Variants in NTNG1 observed in about 807,000 individuals in gnomAD.
NTNG1 encodes netrin G1.
A neutral mutation model predicts 54.0 loss-of-function variants in NTNG1; 16 were observed. That is an observed-to-expected ratio of 0.30 (90% confidence interval 0.20 to 0.45). The LOEUF (loss-of-function observed/expected upper bound fraction) is 0.45, where lower values mean the gene tolerates loss of function less well. Among genes scored for constraint, NTNG1 ranks in the 20% least tolerant of loss-of-function variants. NTNG1 has a pLI of 1.00. For missense variants in NTNG1, 530 were observed against 678.7 expected, an observed-to-expected ratio of 0.78 and a Z score of 2.43; for synonymous variants, 255 against 263.1, an observed-to-expected ratio of 0.97 and a Z score of 0.30.
At chr1:107,370,334 T>G (rs1670843917) in intron 3 of NTNG1, among the ~76,000 whole-genome samples, 1 of 151,912 alleles carries the variant, frequency 6.6e-6, no homozygotes, top group South Asian at 2.1e-4. Context: ...GGGAGAATTG[T>G]CATTTTTTTT....
intron 3 of NTNG1, among the ~76,000 whole-genome samples, chr1:107,346,112 T>C (rs1010631011): frequency 8.5e-5 from 13 of 152,152 alleles, no homozygotes; most frequent in African/African-American, 3.1e-4. Context: ...GCATTGCAAT[T>C]TCTATAGATT....
chr1:107,281,160 C>T (rs1176223994), intron 2 of NTNG1, among the ~76,000 whole-genome samples: 1 of 151,968 alleles, frequency 6.6e-6, no homozygotes, highest in African/African-American at 2.4e-5. Flanking sequence ...TTTGTTTTCT[C>T]CCATAAATGT....
chr1:107,237,986 C>T (rs1167685692), intron 2 of NTNG1, among the ~76,000 whole-genome samples: 1 of 152,116 alleles, frequency 6.6e-6, no homozygotes, highest in Non-Finnish European at 1.5e-5. Flanking sequence ...AAGAGGGCCA[C>T]CGTCCTCCAG....
chr1:107,459,656 C>A (rs1299640273), intron 7 of NTNG1, among the ~76,000 whole-genome samples: 2 of 152,194 alleles, frequency 1.3e-5, no homozygotes, highest in African/African-American at 2.4e-5. Flanking sequence ...AGCATCACCA[C>A]TGATTTCTCC....
At chr1:107,449,567 G>A (rs913175792) in intron 7 of NTNG1, among the ~76,000 whole-genome samples, 9 of 151,826 alleles carry the variant, frequency 5.9e-5, no homozygotes, top group African/African-American at 2.2e-4. Context: ...GCGGACTGTG[G>A]GAAGCTTTAT....
At chr1:107,171,260 CA>C (rs1311664084) in intron 2 of NTNG1, among the ~76,000 whole-genome samples, 4 of 151,962 alleles carry the variant, frequency 2.6e-5, no homozygotes, top group Non-Finnish European at 5.9e-5. Context: ...TTTTCACCCC[CA>C]AAAAAGTTTT....
chr1:107,237,493 T>C (rs1312550312), intron 2 of NTNG1, among the ~76,000 whole-genome samples: 1 of 152,174 alleles, frequency 6.6e-6, no homozygotes, highest in East Asian at 1.9e-4. Flanking sequence ...GATCCAAATG[T>C]TAATCCCCAA....
intron 3 of NTNG1, among the ~76,000 whole-genome samples, chr1:107,389,514 A>G (rs1672233751): frequency 6.6e-6 from 1 of 152,210 alleles, no homozygotes; most frequent in African/African-American, 2.4e-5. Context: ...TATAAGCAAG[A>G]TTAAATTGAC....
intron 2 of NTNG1, among the ~76,000 whole-genome samples, chr1:107,272,409 G>T (rs915053429): frequency 6.6e-6 from 1 of 151,920 alleles, no homozygotes; most frequent in Admixed American, 6.6e-5. Context: ...TTAGCTCTCT[G>T]CTGGGCTAAT....
At chr1:107,194,647 T>A in intron 2 of NTNG1, among the ~76,000 whole-genome samples, 1 of 152,046 alleles carries the variant, frequency 6.6e-6, no homozygotes, top group East Asian at 1.9e-4. Flanking sequence ...TGTAATGTGT[T>A]TAGAAATTTT....
At chr1:107,300,444 C>G (rs532551423) in intron 2 of NTNG1, among the ~76,000 whole-genome samples, 94 of 152,280 alleles carry the variant, frequency 6.2e-4, no homozygotes, top group African/African-American at 2.1e-3. Context: ...TTCCCCAGTT[C>G]ACCTCTGCGC....
Position 107,430,797 on chromosome 1 carries a change from C to G in NTNG1, c.1135C>G (p.Leu379Val). Residue 379 changes from leucine to valine, a missense_variant, in exon 6 of 8, where the codon CTA becomes GTA. By Grantham distance (32) the Leu-to-Val change is conservative. Around this residue, in one of 2 missense-constraint regions of NTNG1, gnomAD observed 212 missense variants for 213.6 expected, o/e 0.99. Coordinates refer to ENST00000370068, the MANE Select transcript of NTNG1 (RefSeq NM_001113226.3). ...HSNRCSYIDLLNTVICVSCKH... is the reference protein window; with the variant it reads ...HSNRCSYIDLVNTVICVSCKH... ...CAATCGATGCAGTTATATCGATCTGCTAAATACAGTCATTTGCGTGAGCTG... is the reference window on the plus strand; with the variant it reads ...CAATCGATGCAGTTATATCGATCTGGTAAATACAGTCATTTGCGTGAGCTG... The G allele has an allele frequency of 6.2e-7, 1 of 1,613,270 alleles. No individual in the cohort carries two copies. The highest frequency in any genetic ancestry group is 8.5e-7 in the Non-Finnish European group (1 of 1,179,626).
At chr1:107,424,317 G>T (rs1674750891) in intron 5 of NTNG1, among the ~76,000 whole-genome samples, 1 of 152,096 alleles carries the variant, frequency 6.6e-6, no homozygotes, top group Non-Finnish European at 1.5e-5. Context: ...CAACATGGAG[G>T]CACTGTGCCA....
rs1413508939 is a variant in NTNG1 at position 107,170,963 on chromosome 1, A to C, written c.246+22124A>C. 3.9e-5 allele frequency among the ~76,000 whole-genome samples: 6 copies of C among 152,190 alleles called. No homozygotes were observed. The South Asian group carries it at 1.0e-3, about 26-fold the overall frequency. ...CCATCAATACTTATAGCATCGTACA[A>C]ATATTTAGTGTCCCAATCCACATTT... On this transcript the variant is annotated intron_variant, in intron 2 of 7. Coordinates refer to ENST00000370068, the MANE Select transcript of NTNG1 (RefSeq NM_001113226.3).
intron 7 of NTNG1, among the ~76,000 whole-genome samples, chr1:107,451,476 AGACTGTAAGTGT>A (rs1676623409): frequency 6.6e-6 from 1 of 152,112 alleles, no homozygotes; most frequent in African/African-American, 2.4e-5. Flanking sequence ...CAGAGTAAAG[AGACTGTAAGTGT>A]GACTGTCATC....
At chr1:107,316,152 C>T (rs1411026504) in intron 2 of NTNG1, among the ~76,000 whole-genome samples, 1 of 152,064 alleles carries the variant, frequency 6.6e-6, no homozygotes, top group Non-Finnish European at 1.5e-5. Context: ...GTAACATTGC[C>T]CTTATGCCCT....
intron 3 of NTNG1, among the ~76,000 whole-genome samples, chr1:107,353,493 G>C (rs562850953): frequency 2.0e-3 from 297 of 152,014 alleles, no homozygotes; most frequent in Middle Eastern, 3.4e-3. Flanking sequence ...CCTCAGCCTA[G>C]ACTTCATTGT....
chr1:107,234,752 G>A (rs1661296626), intron 2 of NTNG1, among the ~76,000 whole-genome samples: 1 of 152,180 alleles, frequency 6.6e-6, no homozygotes, highest in Non-Finnish European at 1.5e-5. Context: ...AGCATTGATA[G>A]TCGGGAATCT....
intron 2 of NTNG1, among the ~76,000 whole-genome samples, chr1:107,260,441 C>T (rs566089163): frequency 1.3e-5 from 2 of 152,154 alleles, no homozygotes; most frequent in South Asian, 2.1e-4. Flanking sequence ...GAGGGTCTAC[C>T]CTGCCACCAA....
Sources: allele counts gnomAD v4.1 joint callset (sites outside exome capture counted in the v4.1 genomes callset), GRCh38; gene constraint gnomAD v4.1.1; regional missense constraint gnomAD v4.1.1; transcripts MANE v1.5; gene names NCBI Gene and HGNC (gene_info 2026-07-23, HGNC 2026-07-21).